DAB1: variants seen among roughly 807,000 people sequenced by gnomAD.
The protein encoded by DAB1 is disabled homolog 1.
Under a neutral mutation model 64.6 loss-of-function variants are expected in DAB1, and 15 were observed. The ratio of observed to expected loss-of-function variants is 0.23; its 90% confidence interval spans 0.16 to 0.36. The LOEUF is 0.36. Among genes scored for constraint, DAB1 ranks in the 10% least tolerant of loss-of-function variants. The probability of loss-of-function intolerance (pLI) is 1.00; values close to 1 mark genes in which losing one functional copy is unlikely to be tolerated. For missense variants in DAB1, 596 were observed against 706.7 expected, an observed-to-expected ratio of 0.84 and a Z score of 1.78; for synonymous variants, 235 against 251.9, an observed-to-expected ratio of 0.93 and a Z score of 0.64.
chr1:57,428,947 C>T (rs1685396566), upstream of DAB1, among the ~76,000 whole-genome samples: 1 of 146,616 alleles, frequency 6.8e-6, no homozygotes, highest in African/African-American at 2.5e-5. Context: ...GGGTCTCACT[C>T]TGTCACCCAT....
At position 57,518,026 on chromosome 1, in the gene DAB1, C is replaced by G. The variant is rs375242800; in HGVS notation, n.625+131566G>C. The stretch of plus-strand genomic sequence containing the variant: ...TACCTCTTAAGGGTGTTTTCACAGT[C>G]TGAAAGGCCTTTCTTATATTGAGCA... On this transcript the variant is annotated intron_variant and non_coding_transcript_variant, in intron 7 of 20. Coordinates refer to the DAB1 transcript ENST00000485760. 5.3e-5 allele frequency among the ~76,000 whole-genome samples: 8 copies of G among 152,202 alleles called. No individual in the cohort carries two copies. In the East Asian group the frequency reaches 5.8e-4, roughly 11 times the overall value.
rs141397748 is a variant in DAB1 at position 57,773,931 on chromosome 1, A to T, written n.551+110068T>A. 1.6e-3 allele frequency among the ~76,000 whole-genome samples: 243 copies of T among 152,114 alleles called. 2 individuals carry two copies. The highest frequency in any genetic ancestry group is 5.7e-3 in the African/African-American group (238 of 41,562). On this transcript the variant is annotated intron_variant and non_coding_transcript_variant, in intron 6 of 20. Coordinates refer to the DAB1 transcript ENST00000485760. ...AAAAGTCTTGAAATAAGGTATCGTAAGTCCTCCAATTTTGTTAATCTTTTC... is the reference window on the plus strand; with the variant it reads ...AAAAGTCTTGAAATAAGGTATCGTATGTCCTCCAATTTTGTTAATCTTTTC...
intron 3 of DAB1, among the ~76,000 whole-genome samples, chr1:58,369,887 T>C (rs1469704470): frequency 6.6e-6 from 1 of 152,182 alleles, no homozygotes; most frequent in Non-Finnish European, 1.5e-5. Flanking sequence ...AAATAGGCAA[T>C]AGAGTTAAAA....
intron 3 of DAB1, among the ~76,000 whole-genome samples, chr1:58,504,096 A>T (rs896182825): frequency 1.3e-5 from 2 of 152,160 alleles, no homozygotes; most frequent in African/African-American, 4.8e-5. Flanking sequence ...TACTCCACAC[A>T]ATAATGCCAG....
intron 7 of DAB1, among the ~76,000 whole-genome samples, chr1:57,637,380 G>T (rs1384967978): frequency 1.3e-5 from 2 of 152,316 alleles, no homozygotes; most frequent in South Asian, 2.1e-4. Context: ...AATCCCAGGG[G>T]AAAGATGCCT....
chr1:57,857,612 A>G (rs979507715), intron 1 of DAB1, among the ~76,000 whole-genome samples: 4 of 152,202 alleles, frequency 2.6e-5, no homozygotes, highest in South Asian at 4.1e-4. Context: ...CAATTTGTCA[A>G]TGGTCACACA....
Position 57,827,823 on chromosome 1 carries a change from G to A in DAB1, n.88-1368C>T, listed in dbSNP as rs1482052149. ...GCAGGGAAAGAGTAGGAAAGCTCTG[G>A]TGCCACTGACAATCCCTAAGAGCTT... is the stretch of plus-strand genomic sequence containing the variant. On this transcript the variant is annotated intron_variant and non_coding_transcript_variant, in intron 1 of 1. Coordinates refer to the DAB1 transcript ENST00000477280. Among the ~76,000 whole-genome samples, 5 of 152,256 alleles carry A rather than the reference G, an allele frequency of 3.3e-5. No homozygotes were observed. The East Asian group carries it at 9.6e-4, about 29-fold the overall frequency.
In DAB1 at chr1:57,328,173, G is replaced by A. The variant is rs267649; in HGVS notation, c.-136-37007C>T. Among the ~76,000 whole-genome samples the A allele has an allele frequency of 7.4e-3, 1,127 of 152,310 alleles. 18 individuals are homozygous for A. Among genetic ancestry groups the A allele is most frequent in the African/African-American group, 0.025 (1,040 of 41,564 alleles). On this transcript the variant is annotated intron_variant, in intron 1 of 14. Transcript: ENST00000371236. ...AAGCAAATCCACCTAGCTTCTGAGA[G>A]GTGGGTAGGTCTGTGAGTTTTCTGG...
intron 3 of DAB1, among the ~76,000 whole-genome samples, chr1:58,445,047 C>A (rs912775169): frequency 2.6e-5 from 4 of 152,196 alleles, no homozygotes; most frequent in African/African-American, 9.6e-5. Context: ...GCTTGACCAA[C>A]CATCCCAGGT....
At chr1:58,386,222 G>T (rs1444874297) in intron 3 of DAB1, among the ~76,000 whole-genome samples, 1 of 152,120 alleles carries the variant, frequency 6.6e-6, no homozygotes, top group Non-Finnish European at 1.5e-5. Context: ...TGAGAAATGA[G>T]TTCCCTCAAA....
intron 4 of DAB1, among the ~76,000 whole-genome samples, chr1:58,237,736 T>C (rs916345702): frequency 2.6e-5 from 4 of 152,182 alleles, no homozygotes; most frequent in African/African-American, 7.2e-5. Flanking sequence ...ATTCCTCTTC[T>C]GCAGCCACTG....
intron 3 of DAB1, among the ~76,000 whole-genome samples, chr1:58,421,624 G>A (rs706419): frequency 0.58 from 88,437 of 152,022 alleles, 26,567 homozygotes; most frequent in African/African-American, 0.73. Context: ...TTTCATGCTG[G>A]GGGTTTTGCT....
chr1:58,415,997 G>GT (rs773034512), intron 3 of DAB1, among the ~76,000 whole-genome samples: 33 of 152,332 alleles, frequency 2.2e-4, no homozygotes, highest in Non-Finnish European at 2.9e-4. Context: ...GTGACACGTG[G>GT]TAAGTGTCAA....
chr1:58,437,798 T>C (rs912997183), intron 3 of DAB1, among the ~76,000 whole-genome samples: 18 of 152,044 alleles, frequency 1.2e-4, no homozygotes, highest in African/African-American at 3.9e-4. Flanking sequence ...CCCTTCCAGG[T>C]CATGTGACAC....
At chr1:58,212,755 C>A (rs541632216) in intron 4 of DAB1, among the ~76,000 whole-genome samples, 2 of 152,250 alleles carry the variant, frequency 1.3e-5, no homozygotes, top group South Asian at 4.1e-4. Flanking sequence ...AGAAAAACAT[C>A]ATGAAGACAG....
chr1:57,698,262 A>T (rs1448582245), intron 6 of DAB1, among the ~76,000 whole-genome samples: 3 of 138,920 alleles, frequency 2.2e-5, no homozygotes, highest in African/African-American at 5.3e-5. Flanking sequence ...ACTTTTAAAC[A>T]TTTTTTTTTT....
At chr1:58,147,318 A>ATAGTATAGCCATTATGT (rs1437820150) in intron 5 of DAB1, among the ~76,000 whole-genome samples, 2 of 148,100 alleles carry the variant, frequency 1.4e-5, no homozygotes, top group African/African-American at 2.5e-5. Flanking sequence ...AAAAAAAAAA[A>ATAGTATAGCCATTATGT]AAAAAAAAAG....
Position 57,319,654 on chromosome 1 carries a change from C to T in DAB1, c.-136-28488G>A, listed in dbSNP as rs12568449. Reference sequence around the variant, plus strand: ...CCCTTACACTGCCTTTTCTTGCCCACTTTCCTCAGAGATTTTGAAAAAGCC... The same window carrying T: ...CCCTTACACTGCCTTTTCTTGCCCATTTTCCTCAGAGATTTTGAAAAAGCC... On this transcript the variant is annotated intron_variant, in intron 1 of 14. Transcript: ENST00000371236. Among the ~76,000 whole-genome samples the T allele has an allele frequency of 1.9e-3, 289 of 152,316 alleles. 6 individuals carry two copies. In the East Asian group the frequency reaches 0.052, roughly 27 times the overall value.
chr1:57,243,569 ACT>A (rs1359737107), intron 2 of DAB1, among the ~76,000 whole-genome samples: 1 of 151,990 alleles, frequency 6.6e-6, no homozygotes, highest in Non-Finnish European at 1.5e-5. Flanking sequence ...CCTCTTGTTC[ACT>A]CTCTCTGTTC....
Sources: allele counts gnomAD v4.1 joint callset (sites outside exome capture counted in the v4.1 genomes callset), GRCh38; gene constraint gnomAD v4.1.1; transcripts MANE v1.5; gene names NCBI Gene and HGNC (gene_info 2026-07-23, HGNC 2026-07-21).